COLGALT1: variants seen among roughly 807,000 people sequenced by gnomAD.
COLGALT1 encodes the protein collagen beta(1-O)galactosyltransferase 1.
COLGALT1 carries 43 observed loss-of-function variants against 60.8 expected under a neutral mutation model. That is an observed-to-expected ratio of 0.71 (90% CI 0.55 to 0.91). The LOEUF is 0.91. Among genes scored for constraint, COLGALT1 ranks in the 40% least tolerant of loss-of-function variants. The probability of loss-of-function intolerance (pLI) is 0.00; values close to 1 mark genes in which losing one functional copy is unlikely to be tolerated. For missense variants in COLGALT1, 845 were observed against 880.0 expected (o/e 0.96, Z 0.50); for synonymous variants, 369 against 374.2 (o/e 0.99, Z 0.16).
At chr19:17,561,643 A>C (rs1371613326) in intron 3 of COLGALT1, among the ~76,000 whole-genome samples, 4 of 151,366 alleles carry the variant, frequency 2.6e-5, no homozygotes, top group South Asian at 2.1e-4. Context: ...AAAAAAAAAA[A>C]AAAAAAAAAA....
chr19:17,569,891 C>CTTTTTTTTTTTTTT (rs71162156), intron 5 of COLGALT1, among the ~76,000 whole-genome samples: 3 of 98,732 alleles, frequency 3.0e-5, no homozygotes, highest in South Asian at 3.3e-4. Context: ...CCACTAATTA[C>CTTTTTTTTTTTTTT]TTTTTTTTTT....
chr19:17,572,968 C>T (rs982842664), intron 6 of COLGALT1, among the ~76,000 whole-genome samples: 1 of 152,056 alleles, frequency 6.6e-6, no homozygotes, highest in Admixed American at 6.6e-5. Flanking sequence ...GTCAGTGATC[C>T]CCTGGGGCTG....
In COLGALT1 at chr19:17,581,601, C is replaced by A; in HGVS notation, c.*157C>A. ...CTCTTGCTAAGCAATCACGTGCACA[C>A]AGGCAGCATTAATGGAGTGCCTACT... On this transcript the variant is annotated 3_prime_UTR_variant, in exon 12 of 12. Coordinates refer to ENST00000252599, the MANE Select transcript of COLGALT1 (RefSeq NM_024656.4). 1 of 984,000 alleles carries A rather than the reference C, an allele frequency of 1.0e-6. No individual in the cohort carries two copies. Among genetic ancestry groups the A allele is most frequent in the Non-Finnish European group, 1.5e-6 (1 of 685,954 alleles). The allele number at this position is 984,000 out of a possible 1,614,324, so 61.0% of individuals were successfully genotyped here. A position where few individuals can be genotyped will look rare whatever the true frequency, so the allele number is the denominator to read the frequency against.
At chr19:17,563,641 G>A (rs546763878) in intron 3 of COLGALT1, among the ~76,000 whole-genome samples, 33 of 152,034 alleles carry the variant, frequency 2.2e-4, no homozygotes, top group African/African-American at 7.0e-4. Flanking sequence ...GAGCCAGCGC[G>A]CCTGGCCCGA....
chr19:17,575,203 C>T (rs2144839605), intron 6 of COLGALT1, among the ~76,000 whole-genome samples: 1 of 152,162 alleles, frequency 6.6e-6, no homozygotes, highest in South Asian at 2.1e-4. Flanking sequence ...GCGCTTGCCA[C>T]CACGCCTGGC....
At chr19:17,567,617 C>G (rs1296252543) in intron 4 of COLGALT1, 77 bp downstream of exon 4, 1 of 1,503,316 alleles carries the variant, frequency 6.7e-7, no homozygotes, top group East Asian at 2.4e-5. Context: ...CTTACTGTCA[C>G]ACAACCTCGT....
At chr19:17,557,227 C>T (rs1265742296) in intron 1 of COLGALT1, among the ~76,000 whole-genome samples, 1 of 152,172 alleles carries the variant, frequency 6.6e-6, no homozygotes, top group African/African-American at 2.4e-5. Flanking sequence ...TAATTGACTG[C>T]AGCCCACTGA....
In COLGALT1 at chr19:17,582,606, A is replaced by G. The variant is rs553649980; in HGVS notation, c.*1162A>G. On this transcript the variant is annotated 3_prime_UTR_variant, in exon 12 of 12. Coordinates refer to ENST00000252599, the MANE Select transcript of COLGALT1 (RefSeq NM_024656.4). ...ACAAGATCGGTTCCTTCACTTCTTC[A>G]TGCCACAAGTGTTTATTGAGCACCT... The G allele has an allele frequency of 2.0e-5, 3 of 152,218 alleles. No individual in the cohort carries two copies. Among genetic ancestry groups the G allele is most frequent in the Non-Finnish European group, 4.4e-5 (3 of 68,042 alleles). 9.4% of individuals were successfully genotyped at this position (152,218 alleles called of 1,614,324 possible). A position where few individuals can be genotyped will look rare whatever the true frequency, so the allele number is the denominator to read the frequency against.
At chr19:17,565,497 C>T (rs1248339928) in intron 3 of COLGALT1, among the ~76,000 whole-genome samples, 4 of 151,804 alleles carry the variant, frequency 2.6e-5, no homozygotes, top group African/African-American at 2.4e-5. Context: ...TGAACATGAG[C>T]GTACAAAGAC....
At chr19:17,577,004 T>TGGGGGCGGGGGGGAGCTGGGGCC (rs1599793355) in intron 6 of COLGALT1, 191 bp from the exon 7 acceptor site, 1 of 303,302 alleles carries the variant, frequency 3.3e-6, no homozygotes, top group Non-Finnish European at 6.2e-6. Context: ...GGCCAGGGCT[T>TGGGGGCGGGGGGGAGCTGGGGCC]TGGGCTGCTG....
chr19:17,566,093 A>T (rs1358277472), intron 3 of COLGALT1: 1 of 152,170 alleles, frequency 6.6e-6, no homozygotes, highest in East Asian at 1.9e-4. Context: ...GACCGGGCAC[A>T]ATGGCTCACA....
chr19:17,578,220 C>CTGAGG, intron 9 of COLGALT1, 131 bp downstream of exon 9: 1 of 1,023,360 alleles, frequency 9.8e-7, no homozygotes, highest in Non-Finnish European at 1.3e-6. Context: ...GGACCCATGG[C>CTGAGG]CTCTCTTTAG....
At chr19:17,576,931 C>A (rs1599793235) in intron 6 of COLGALT1, 1 of 524,916 alleles carries the variant, frequency 1.9e-6, no homozygotes, top group Non-Finnish European at 3.3e-6. Context: ...AAGCTGGGGC[C>A]TGGGGTGTGG....
Position 17,579,581 on chromosome 19 carries a change from G to C in COLGALT1, c.1366G>C (p.Glu456Gln), listed in dbSNP as rs745798315. ...RRLMNLMRDV[E>Q]REGLDWDLIY... is the part of the protein sequence containing the mutation. ...TCTGATGAACCTCATGCGGGATGTG[G>C]AGCGGGAGGGCCTGGACTGGGACCT... Residue 456 changes from glutamate (E) to glutamine (Q), a missense_variant, in exon 10 of 12, where the codon GAG becomes CAG. Transcript: ENST00000252599. 1 of 1,613,754 alleles carries C rather than the reference G, an allele frequency of 6.2e-7. No homozygotes were observed. Among genetic ancestry groups the C allele is most frequent in the South Asian group, 1.1e-5 (1 of 91,066 alleles).
intron 11 of COLGALT1, 47 bp from the exon 12 acceptor site, chr19:17,581,130 T>C: frequency 6.3e-7 from 1 of 1,584,650 alleles, no homozygotes; most frequent in African/African-American, 1.4e-5. Flanking sequence ...AGCTGTCCCG[T>C]CCCCTGAAGC....
At chr19:17,561,012 C>T (rs1343808978) in intron 3 of COLGALT1, among the ~76,000 whole-genome samples, 1 of 151,820 alleles carries the variant, frequency 6.6e-6, no homozygotes, top group Non-Finnish European at 1.5e-5. Context: ...CGAGACCAGC[C>T]TGGTCAATAT....
At chr19:17,557,812 G>T (rs1373380485) in intron 1 of COLGALT1, among the ~76,000 whole-genome samples, 1 of 152,054 alleles carries the variant, frequency 6.6e-6, no homozygotes, top group Non-Finnish European at 1.5e-5. Flanking sequence ...CTATTGGCCA[G>T]GCTGGTCTCG....
At chr19:17,578,438 C>G (rs976643201) in intron 9 of COLGALT1, among the ~76,000 whole-genome samples, 1 of 152,178 alleles carries the variant, frequency 6.6e-6, no homozygotes, top group African/African-American at 2.4e-5. Context: ...GGCCACAGAG[C>G]CACTTTAAAC....
rs1372187270 is a variant in COLGALT1 at position 17,582,088 on chromosome 19, TA to T, written c.*645del. 2.0e-5 allele frequency: 3 copies of T among 152,866 alleles called. No individual in the cohort carries two copies. Among genetic ancestry groups the T allele is most frequent in the African/African-American group, 7.2e-5 (3 of 41,434 alleles). The allele number at this position is 152,866 out of a possible 1,614,324, so 9.5% of individuals were successfully genotyped here. A position where few individuals can be genotyped will look rare whatever the true frequency, so the allele number is the denominator to read the frequency against. ...CACATCTGGCTAGTTTTTGTATTTTTAGTAGAGACGGGGTTTCACCATGTTG... is the reference window on the plus strand; with the variant it reads ...CACATCTGGCTAGTTTTTGTATTTTTGTAGAGACGGGGTTTCACCATGTTG... On this transcript the variant is annotated 3_prime_UTR_variant, in exon 12 of 12. Coordinates refer to ENST00000252599, the MANE Select transcript of COLGALT1 (RefSeq NM_024656.4).
Sources: allele counts gnomAD v4.1 joint callset (sites outside exome capture counted in the v4.1 genomes callset), GRCh38; gene constraint gnomAD v4.1.1; transcripts MANE v1.5; gene names NCBI Gene and HGNC (gene_info 2026-07-23, HGNC 2026-07-21).